Variants in NPSR1 observed in about 807,000 individuals in gnomAD.
The protein encoded by NPSR1 is neuropeptide S receptor 1.
Under a neutral mutation model 46.9 loss-of-function variants are expected in NPSR1, and 48 were observed. That is an observed-to-expected ratio of 1.02 (90% CI 0.81 to 1.30). NPSR1 has a LOEUF of 1.30. Ranked by LOEUF, NPSR1 falls within the 50% of genes most tolerant of loss-of-function variation. The pLI is 0.00. For synonymous variants in NPSR1, 176 were observed against 168.1 expected (o/e 1.05, Z -0.36); for missense variants, 450 against 449.5 (o/e 1.00, Z -0.01).
chr7:34,844,438 T>C (rs1018527584), intron 6 of NPSR1, among the ~76,000 whole-genome samples: 21 of 152,278 alleles, frequency 1.4e-4, no homozygotes, highest in African/African-American at 4.6e-4. Context: ...TTGAGAGCGT[T>C]TTTTTGTTTT....
In NPSR1 at chr7:34,811,776, C is replaced by A; in HGVS notation, c.391C>A (p.Leu131Met). ...CRVVRYLQVVLLYASTYVLVS... is the reference protein window; with the variant it reads ...CRVVRYLQVVMLYASTYVLVS... ...CTCTCATTTCTGTCTTTAGGTTGTG[C>A]TGCTCTACGCCTCTACCTACGTCCT... Residue 131 changes from leucine (L) to methionine (M), a missense_variant, in exon 4 of 9, where the codon CTG becomes ATG. By Grantham distance (15) the Leu-to-Met change is conservative. Coordinates refer to ENST00000360581, the MANE Select transcript of NPSR1 (RefSeq NM_207172.2). The A allele has an allele frequency of 6.2e-7, 1 of 1,609,010 alleles. No individual in the cohort carries two copies. The highest frequency in any genetic ancestry group is 8.5e-7 in the Non-Finnish European group (1 of 1,177,026).
At chr7:34,823,167 G>C (rs1789640925) in intron 4 of NPSR1, among the ~76,000 whole-genome samples, 1 of 151,950 alleles carries the variant, frequency 6.6e-6, no homozygotes, top group South Asian at 2.1e-4. Context: ...GAGGTGGGTG[G>C]ATCACTTGAG....
rs142581464 is a variant in NPSR1 at position 34,725,544 on chromosome 7, G to A, written c.280+40860G>A. On this transcript the variant is annotated intron_variant, in intron 2 of 8. Coordinates refer to ENST00000360581, the MANE Select transcript of NPSR1 (RefSeq NM_207172.2). The stretch of plus-strand genomic sequence containing the variant: ...TATAAGTTAACGCATCCCAGAGCCT[G>A]TGCTCCCAAACACAGCCCTCATACA... Among the ~76,000 whole-genome samples, 4 of 152,324 alleles carry A rather than the reference G, an allele frequency of 2.6e-5. No homozygotes were observed. The East Asian group carries it at 5.8e-4, about 22-fold the overall frequency.
chr7:34,690,066 GCCTCCTCACA>G (rs2128688842), intron 2 of NPSR1, among the ~76,000 whole-genome samples: 1 of 152,170 alleles, frequency 6.6e-6, no homozygotes, highest in East Asian at 1.9e-4. Flanking sequence ...GAGGCAGTGA[GCCTCCTCACA>G]TACCCAGTAC....
At chr7:34,664,986 A>G (rs1407583060) in intron 1 of NPSR1, among the ~76,000 whole-genome samples, 1 of 152,206 alleles carries the variant, frequency 6.6e-6, no homozygotes, top group Non-Finnish European at 1.5e-5. Context: ...ATTTCACAAT[A>G]TCACCTTTGA....
chr7:34,847,263 C>T lies in NPSR1; in HGVS notation c.845-1220C>T, dbSNP rs147317572. 8.9e-3 allele frequency among the ~76,000 whole-genome samples: 1,360 copies of T among 152,080 alleles called. 9 individuals are homozygous for T. Among genetic ancestry groups the T allele is most frequent in the Middle Eastern group, 0.02 (6 of 294 alleles). ...AGCCAAGGAAGCCAAACTTCTACTCCGAGAAAAAATTCTATGGATGAGAAA... is the reference window on the plus strand; with the variant it reads ...AGCCAAGGAAGCCAAACTTCTACTCTGAGAAAAAATTCTATGGATGAGAAA... On this transcript the variant is annotated intron_variant, in intron 7 of 8. Transcript: ENST00000360581.
At chr7:34,795,918 G>T (rs1376286803) in intron 3 of NPSR1, among the ~76,000 whole-genome samples, 1 of 152,114 alleles carries the variant, frequency 6.6e-6, no homozygotes, top group African/African-American at 2.4e-5. Flanking sequence ...AACTTTATGT[G>T]AAAGACAAAA....
intron 2 of NPSR1, among the ~76,000 whole-genome samples, chr7:34,704,354 C>CA (rs34287279): frequency 5.3e-5 from 8 of 151,584 alleles, no homozygotes; most frequent in Non-Finnish European, 7.4e-5. Flanking sequence ...CTCTTTCACC[C>CA]AAAAAAACTA....
intron 6 of NPSR1, among the ~76,000 whole-genome samples, chr7:34,838,950 G>A (rs994060817): frequency 1.3e-5 from 2 of 152,128 alleles, no homozygotes; most frequent in Non-Finnish European, 2.9e-5. Context: ...TGGCTTGGTG[G>A]ATATGATCCA....
At chr7:34,660,571 TA>T (rs1344644880) in intron 1 of NPSR1, among the ~76,000 whole-genome samples, 2 of 151,644 alleles carry the variant, frequency 1.3e-5, no homozygotes, top group African/African-American at 2.4e-5. Flanking sequence ...TCAAAAGCAG[TA>T]AAAAAAATAG....
intron 2 of NPSR1, among the ~76,000 whole-genome samples, chr7:34,727,055 A>T (rs575103759): frequency 6.6e-6 from 1 of 152,310 alleles, no homozygotes; most frequent in Admixed American, 6.5e-5. Flanking sequence ...ATCAATAGTA[A>T]GAAATGTACC....
At chr7:34,827,727 G>A (rs1789930532) in intron 5 of NPSR1, 125 bp downstream of exon 5, 1 of 700,744 alleles carries the variant, frequency 1.4e-6, no homozygotes, top group Admixed American at 2.8e-5. Flanking sequence ...GAACTGACCA[G>A]GCCACAAGAT....
intron 2 of NPSR1, among the ~76,000 whole-genome samples, chr7:34,741,405 A>C (rs1430454429): frequency 2.6e-5 from 4 of 152,130 alleles, no homozygotes; most frequent in African/African-American, 9.7e-5. Context: ...AGTGCTTTTG[A>C]AAATTGTTAT....
chr7:34,856,694 T>C (rs1791056452), intron 8 of NPSR1, among the ~76,000 whole-genome samples: 1 of 151,714 alleles, frequency 6.6e-6, no homozygotes, highest in South Asian at 2.1e-4. Flanking sequence ...CAAAAGTCTG[T>C]CCAGGTTTGT....
chr7:34,751,096 G>C (rs1470820666), intron 2 of NPSR1: 1 of 803,956 alleles, frequency 1.2e-6, no homozygotes, highest in Non-Finnish European at 2.3e-6. Flanking sequence ...ATGTCCTTGA[G>C]GATCAGGTGG....
chr7:34,838,056 T>G (rs1423521664), intron 6 of NPSR1, among the ~76,000 whole-genome samples: 2 of 152,148 alleles, frequency 1.3e-5, no homozygotes, highest in Non-Finnish European at 2.9e-5. Context: ...GCACTCACTC[T>G]CACTGTCTCA....
chr7:34,823,743 A>T (rs1317725646), intron 4 of NPSR1, among the ~76,000 whole-genome samples: 1 of 152,204 alleles, frequency 6.6e-6, no homozygotes, highest in Admixed American at 6.5e-5. Context: ...AATGGAAAAC[A>T]ACTTAGATAA....
At chr7:34,829,846 T>TA (rs1373600304) in intron 5 of NPSR1, among the ~76,000 whole-genome samples, 1 of 152,240 alleles carries the variant, frequency 6.6e-6, no homozygotes, top group Admixed American at 6.5e-5. Context: ...CTCACCAAGC[T>TA]AAAGCCTCTG....
intron 3 of NPSR1, among the ~76,000 whole-genome samples, chr7:34,801,687 C>G (rs1334167815): frequency 6.8e-6 from 1 of 146,786 alleles, no homozygotes; most frequent in Non-Finnish European, 1.5e-5. Context: ...CTCACCACTC[C>G]TATTCAACAT....
Sources: allele counts gnomAD v4.1 joint callset (sites outside exome capture counted in the v4.1 genomes callset), GRCh38; gene constraint gnomAD v4.1.1; transcripts MANE v1.5; gene names NCBI Gene and HGNC (gene_info 2026-07-23, HGNC 2026-07-21).